The following PLCXD3 variants were observed in gnomAD, a reference collection of about 807,000 sequenced individuals.
PLCXD3 encodes the protein phosphatidylinositol specific phospholipase C X domain containing 3.
In PLCXD3, 19 loss-of-function variants were observed where a neutral mutation model predicts 25.5. That is an observed-to-expected ratio of 0.75 (90% CI 0.52 to 1.09). The LOEUF is 1.09. PLCXD3 is among the 50% of genes least tolerant of loss of function. The pLI is 0.00. For synonymous variants in PLCXD3, 174 were observed against 137.6 expected, an observed-to-expected ratio of 1.26 and a Z score of -1.85; for missense variants, 411 against 388.1, an observed-to-expected ratio of 1.06 and a Z score of -0.50.
chr5:41,342,147 G>C lies in PLCXD3; in HGVS notation c.813-28377C>G, dbSNP rs142952308. Among the ~76,000 whole-genome samples the C allele has an allele frequency of 9.9e-5, 15 of 152,268 alleles. No homozygotes were observed. In the East Asian group the frequency reaches 2.5e-3, roughly 26 times the overall value. ...TTTTGAGGATACTGTGGCCTATAGGGTATCCATATATCCTTTAATTGATCA... is the reference window on the plus strand; with the variant it reads ...TTTTGAGGATACTGTGGCCTATAGGCTATCCATATATCCTTTAATTGATCA... On this transcript the variant is annotated intron_variant, in intron 2 of 2. Coordinates refer to ENST00000377801, the MANE Select transcript of PLCXD3 (RefSeq NM_001005473.3).
chr5:41,339,101 A>G (rs1744063233), intron 2 of PLCXD3, among the ~76,000 whole-genome samples: 1 of 152,116 alleles, frequency 6.6e-6, no homozygotes, highest in Admixed American at 6.6e-5. Flanking sequence ...AGGGGTAGGG[A>G]GGAAGCTGCT....
At chr5:41,441,684 T>C (rs1192930758) in intron 1 of PLCXD3, among the ~76,000 whole-genome samples, 1 of 152,208 alleles carries the variant, frequency 6.6e-6, no homozygotes, top group Non-Finnish European at 1.5e-5. Context: ...ACTGCATGTC[T>C]TACATGTGAC....
At chr5:41,374,162 G>T (rs1287478507) in intron 2 of PLCXD3, among the ~76,000 whole-genome samples, 1 of 152,104 alleles carries the variant, frequency 6.6e-6, no homozygotes, top group Non-Finnish European at 1.5e-5. Context: ...GATGATTAAG[G>T]TGCAGCTTGT....
chr5:41,510,578 G>C lies in PLCXD3; in HGVS notation c.-52C>G. On this transcript the variant is annotated 5_prime_UTR_variant, in exon 1 of 3. Coordinates refer to ENST00000377801, the MANE Select transcript of PLCXD3 (RefSeq NM_001005473.3). ...GTCCCAGCACTCCTCGGGCAGGCTG[G>C]CAGGCTGCTGCCGCTAATCCAATGT... 2.1e-6 allele frequency: 3 copies of C among 1,404,434 alleles called. No individual in the cohort carries two copies. The highest frequency in any genetic ancestry group is 3.0e-6 in the Non-Finnish European group (3 of 1,002,142). The allele number at this position is 1,404,434 out of a possible 1,614,324, so 87.0% of individuals were successfully genotyped here. A position where few individuals can be genotyped will look rare whatever the true frequency, so the allele number is the denominator to read the frequency against.
chr5:41,363,551 T>A (rs1451561580), intron 2 of PLCXD3, among the ~76,000 whole-genome samples: 2 of 152,186 alleles, frequency 1.3e-5, no homozygotes, highest in African/African-American at 4.8e-5. Context: ...ACTTATCCCA[T>A]CAATGACAGA....
At chr5:41,360,214 C>A (rs988934468) in intron 2 of PLCXD3, among the ~76,000 whole-genome samples, 5 of 152,174 alleles carry the variant, frequency 3.3e-5, no homozygotes, top group Non-Finnish European at 7.4e-5. Context: ...TTTATGCTTT[C>A]TATTTCACTG....
At chr5:41,333,207 A>G (rs989342921) in intron 2 of PLCXD3, among the ~76,000 whole-genome samples, 1 of 152,168 alleles carries the variant, frequency 6.6e-6, no homozygotes, top group African/African-American at 2.4e-5. Context: ...TGAAGGCTTC[A>G]TTGATCTGCA....
At chr5:41,386,750 A>G (rs1026200360) in intron 1 of PLCXD3, among the ~76,000 whole-genome samples, 2 of 152,090 alleles carry the variant, frequency 1.3e-5, no homozygotes, top group Non-Finnish European at 2.9e-5. Flanking sequence ...CTAAAGTGGT[A>G]TAAACATCAA....
chr5:41,510,352 G>A, intron 1 of PLCXD3, 72 bp downstream of exon 1: 1 of 1,325,184 alleles, frequency 7.5e-7, no homozygotes. Context: ...TTACCACTTA[G>A]TGGCAGATAA....
chr5:41,486,490 G>A (rs1296808963), intron 1 of PLCXD3, among the ~76,000 whole-genome samples: 1 of 152,028 alleles, frequency 6.6e-6, no homozygotes, highest in Non-Finnish European at 1.5e-5. Context: ...GACACAATAA[G>A]TTAACTTTTA....
At chr5:41,354,234 G>A (rs1744554921) in intron 2 of PLCXD3, among the ~76,000 whole-genome samples, 1 of 152,100 alleles carries the variant, frequency 6.6e-6, no homozygotes, top group Non-Finnish European at 1.5e-5. Context: ...ACTTCTCTCT[G>A]GATGCTAGAG....
At chr5:41,368,498 TTC>T (rs1460112015) in intron 2 of PLCXD3, among the ~76,000 whole-genome samples, 1 of 152,204 alleles carries the variant, frequency 6.6e-6, no homozygotes, top group Non-Finnish European at 1.5e-5. Flanking sequence ...TAGTTTGACT[TTC>T]TCTCTTCCTA....
intron 1 of PLCXD3, among the ~76,000 whole-genome samples, chr5:41,398,481 A>G (rs899576426): frequency 6.6e-6 from 1 of 152,168 alleles, no homozygotes; most frequent in Non-Finnish European, 1.5e-5. Context: ...TTTATAAGTT[A>G]CCCAGTCTCA....
intron 1 of PLCXD3, among the ~76,000 whole-genome samples, chr5:41,508,397 T>C (rs10063880): frequency 0.1 from 15,982 of 152,254 alleles, 1,156 homozygotes; most frequent in African/African-American, 0.21. Context: ...CCAAAATTCA[T>C]AGGGTATCTT....
chr5:41,475,024 C>A (rs1221528682), intron 1 of PLCXD3, among the ~76,000 whole-genome samples: 1 of 152,182 alleles, frequency 6.6e-6, no homozygotes, highest in African/African-American at 2.4e-5. Flanking sequence ...ACAGTACAAG[C>A]CAATTTTCAT....
rs564683488 is a variant in PLCXD3, at chr5:41,322,029, C to A, written c.813-8259G>T. ...AGGACATTGGTCTGGGCAAAAATTTCTTGAGCAATACCCCATAAGCACAGG... is the reference window on the plus strand; with the variant it reads ...AGGACATTGGTCTGGGCAAAAATTTATTGAGCAATACCCCATAAGCACAGG... On this transcript the variant is annotated intron_variant, in intron 2 of 2. Transcript: ENST00000377801. Among the ~76,000 whole-genome samples, 9 of 152,264 alleles carry A rather than the reference C, an allele frequency of 5.9e-5. No homozygotes were observed. The South Asian group carries it at 1.7e-3, about 28-fold the overall frequency.
At chr5:41,396,347 C>G (rs551039521) in intron 1 of PLCXD3, among the ~76,000 whole-genome samples, 1 of 152,226 alleles carries the variant, frequency 6.6e-6, no homozygotes, top group East Asian at 1.9e-4. Context: ...TTCTCCTGCT[C>G]CACCATGGTA....
intron 2 of PLCXD3, among the ~76,000 whole-genome samples, chr5:41,351,739 T>A (rs1744467022): frequency 2.0e-5 from 3 of 152,212 alleles, no homozygotes; most frequent in African/African-American, 7.2e-5. Context: ...ATTGATTCAA[T>A]GAATAAGAAA....
In PLCXD3 at chr5:41,310,967, C is replaced by T. The variant is rs1186453695; in HGVS notation, c.*2650G>A. The T allele has an allele frequency of 2.6e-5, 4 of 152,106 alleles. No individual in the cohort carries two copies. Among genetic ancestry groups the T allele is most frequent in the Non-Finnish European group, 5.9e-5 (4 of 67,984 alleles). The allele number at this position is 152,106 out of a possible 1,614,324, so 9.4% of individuals were successfully genotyped here. A position where few individuals can be genotyped will look rare whatever the true frequency, so the allele number is the denominator to read the frequency against. On this transcript the variant is annotated 3_prime_UTR_variant, in exon 3 of 3. Coordinates refer to ENST00000377801, the MANE Select transcript of PLCXD3 (RefSeq NM_001005473.3). ...AAAGCTTCATCATGTTTGTTTTTTT[C>T]CAGAACCCAGTTGACAAATAGGACA...
Sources: gnomAD v4.1 joint callset for allele counts (sites outside exome capture counted in the v4.1 genomes callset) on GRCh38, gnomAD v4.1.1 for gene constraint, MANE v1.5 for transcripts, NCBI Gene and HGNC (gene_info 2026-07-23, HGNC 2026-07-21) for gene names.